Variants in INPP5A observed in about 807,000 individuals in gnomAD.
INPP5A encodes 43 kDa inositol polyphosphate 5-phophatase.
A neutral mutation model predicts 65.2 loss-of-function variants in INPP5A; 14 were observed. The ratio of observed to expected loss-of-function variants is 0.21; its 90% confidence interval spans 0.14 to 0.34. The LOEUF (loss-of-function observed/expected upper bound fraction) is 0.34, where lower values mean the gene tolerates loss of function less well. Among genes scored for constraint, INPP5A ranks in the 10% least tolerant of loss-of-function variants. The probability of loss-of-function intolerance (pLI) is 1.00; values close to 1 mark genes in which losing one functional copy is unlikely to be tolerated. For missense variants in INPP5A, 431 were observed against 545.6 expected (o/e 0.79, Z 2.09); for synonymous variants, 207 against 208.3 (o/e 0.99, Z 0.05).
chr10:132,749,391 T>G, intron 9 of INPP5A, 126 bp from the exon 10 acceptor site: 1 of 818,028 alleles, frequency 1.2e-6, no homozygotes, highest in Non-Finnish European at 1.9e-6. Flanking sequence ...GGTGCGGAAA[T>G]CTGGGTGTGA....
chr10:132,717,417 C>T (rs1845760065), intron 8 of INPP5A, among the ~76,000 whole-genome samples: 1 of 151,476 alleles, frequency 6.6e-6, no homozygotes, highest in Non-Finnish European at 1.5e-5. Flanking sequence ...ACCCAGTGAG[C>T]AGCCTGGCTG....
In INPP5A at chr10:132,538,289, A is replaced by AGGCCCCAGC; in HGVS notation, c.75+118_75+119insGGCCCCAGC. ...GAACCTCCAGACCCAGAGGCCCCAG[A>AGGCCCCAGC]CTCTGATCCCTGTACCCGGGACCCC... On this transcript the variant is annotated intron_variant, in intron 1 of 15. Coordinates refer to ENST00000368594, the MANE Select transcript of INPP5A (RefSeq NM_005539.5). This position sits in a 1 kb window ranked among gnomAD's most constrained non-coding sequence, Gnocchi z 4.1. The AGGCCCCAGC allele has an allele frequency of 2.3e-6, 1 of 438,832 alleles. No homozygotes were observed. The allele number at this position is 438,832 out of a possible 1,614,324, so 27.2% of individuals were successfully genotyped here.
chr10:132,756,848 G>A (rs927677114), intron 11 of INPP5A, among the ~76,000 whole-genome samples: 5 of 152,258 alleles, frequency 3.3e-5, no homozygotes, highest in African/African-American at 4.8e-5. Flanking sequence ...GGGCCTTTCC[G>A]TGGGACGCAG....
At chr10:132,539,316 G>C (rs1464848209) in intron 1 of INPP5A, among the ~76,000 whole-genome samples, 1 of 152,138 alleles carries the variant, frequency 6.6e-6, no homozygotes, top group African/African-American at 2.4e-5. Context: ...TATCTCTTTA[G>C]TTCGTAAATA....
At chr10:132,739,731 A>G (rs1846240487) in intron 9 of INPP5A, among the ~76,000 whole-genome samples, 1 of 152,108 alleles carries the variant, frequency 6.6e-6, no homozygotes, top group Non-Finnish European at 1.5e-5. Flanking sequence ...AGTTAATTTG[A>G]GATGACGTGT....
intron 1 of INPP5A, among the ~76,000 whole-genome samples, chr10:132,579,901 GC>G: frequency 6.6e-6 from 1 of 150,530 alleles, no homozygotes; most frequent in Admixed American, 6.6e-5. Flanking sequence ...CAGCCACCAT[GC>G]CTTGCCTGTT....
chr10:132,691,001 C>T (rs759030762), intron 5 of INPP5A, among the ~76,000 whole-genome samples: 1 of 152,188 alleles, frequency 6.6e-6, no homozygotes, highest in South Asian at 2.1e-4. Context: ...GATGACTTCC[C>T]GTCTGACGCT....
intron 9 of INPP5A, among the ~76,000 whole-genome samples, chr10:132,735,522 T>G (rs1475893848): frequency 1.3e-5 from 2 of 152,192 alleles, no homozygotes; most frequent in Non-Finnish European, 2.9e-5. Flanking sequence ...TAATGGTCTT[T>G]CAGAAACCAC....
intron 4 of INPP5A, among the ~76,000 whole-genome samples, chr10:132,680,703 G>A (rs1032634231): frequency 1.3e-5 from 2 of 152,254 alleles, no homozygotes; most frequent in African/African-American, 2.4e-5. Context: ...TGGCGCTTGC[G>A]GGCCAGCTGG....
chr10:132,700,212 GA>G (rs1845414885), intron 6 of INPP5A, among the ~76,000 whole-genome samples: 1 of 152,250 alleles, frequency 6.6e-6, no homozygotes, highest in Non-Finnish European at 1.5e-5. Context: ...TTCCTGGGAG[GA>G]AAAGGCACCG....
chr10:132,750,625 A>G (rs1461125863), intron 11 of INPP5A, among the ~76,000 whole-genome samples: 1 of 152,272 alleles, frequency 6.6e-6, no homozygotes, highest in Non-Finnish European at 1.5e-5. Context: ...GCAAAGAACC[A>G]GGAATCACGC....
chr10:132,714,424 C>T (rs116399669), intron 8 of INPP5A, among the ~76,000 whole-genome samples: 5,230 of 152,310 alleles, frequency 0.034, 288 homozygotes, highest in African/African-American at 0.12. Flanking sequence ...CGCGCGGCCT[C>T]TGAATGGACG....
chr10:132,649,289 A>G (rs1267715310), intron 3 of INPP5A, among the ~76,000 whole-genome samples: 2 of 152,150 alleles, frequency 1.3e-5, no homozygotes, highest in Non-Finnish European at 2.9e-5. Context: ...GTCTGGTCAC[A>G]GTTGCAATGA....
At position 132,753,639 on chromosome 10, in the gene INPP5A, T is replaced by A. The variant is rs1364685080; in HGVS notation, c.903+3794T>A. On this transcript the variant is annotated intron_variant, in intron 11 of 15. Transcript: ENST00000368594. This position sits in a 1 kb window ranked among gnomAD's most constrained non-coding sequence, Gnocchi z 5.3. The stretch of plus-strand genomic sequence containing the variant: ...TGGTGAGGATTTGGAGAGATTAAAT[T>A]TTCCTCGGCTGTCCCAGGGCCGGGC... The A allele has an allele frequency of 1.3e-5, 2 of 152,166 alleles. No homozygotes were observed. The highest frequency in any genetic ancestry group is 4.8e-5 in the African/African-American group (2 of 41,428). The allele number at this position is 152,166 out of a possible 1,614,324, so 9.4% of individuals were successfully genotyped here. A position where few individuals can be genotyped will look rare whatever the true frequency, so the allele number is the denominator to read the frequency against.
chr10:132,710,430 C>A lies in INPP5A; in HGVS notation c.621C>A (p.His207Gln). Residue 207 changes from histidine to glutamine, a missense_variant, in exon 8 of 16, where the codon CAC (histidine) becomes CAA (glutamine). Coordinates refer to ENST00000368594, the MANE Select transcript of INPP5A (RefSeq NM_005539.5). ...CTTCCGTGTACTCGGGAATCCGGCA[C>A]AAGGCACTGGGCTACGTGCTGGACA... The part of the protein sequence containing the change: ...TSPSVYSGIR[H>Q]KALGYVLDRI... The A allele has an allele frequency of 6.2e-7, 1 of 1,613,944 alleles. No homozygotes were observed. The highest frequency in any genetic ancestry group is 8.5e-7 in the Non-Finnish European group (1 of 1,180,010).
intron 3 of INPP5A, 82 bp downstream of exon 3, chr10:132,646,050 A>G: frequency 1.1e-6 from 1 of 871,300 alleles, no homozygotes; most frequent in South Asian, 1.4e-5. Flanking sequence ...TGGTACTATG[A>G]TCACCAGCCT....
rs1249212758 is a variant in INPP5A at position 132,547,243 on chromosome 10, T to C, written c.75+9072T>C. ...TCCCACCTTGCATGGTGGCTCAGGG[T>C]GGTCAGGGAGGGCGTGGCTGTCACA... On this transcript the variant is annotated intron_variant, in intron 1 of 15. Coordinates refer to ENST00000368594, the MANE Select transcript of INPP5A (RefSeq NM_005539.5). The surrounding 1 kb of genome is among the most constrained non-coding windows in gnomAD (Gnocchi z 5.5). Among the ~76,000 whole-genome samples the C allele has an allele frequency of 6.6e-6, 1 of 152,190 alleles. No individual in the cohort carries two copies. Among genetic ancestry groups the C allele is most frequent in the African/African-American group, 2.4e-5 (1 of 41,442 alleles).
intron 1 of INPP5A, among the ~76,000 whole-genome samples, chr10:132,558,617 C>A (rs1198664848): frequency 1.3e-5 from 2 of 152,210 alleles, no homozygotes; most frequent in Non-Finnish European, 2.9e-5. Context: ...ATGAGGAGCG[C>A]TGTTGGAGGA....
At chr10:132,558,239 A>T (rs2071152678) in intron 1 of INPP5A, among the ~76,000 whole-genome samples, 1 of 152,248 alleles carries the variant, frequency 6.6e-6, no homozygotes, top group South Asian at 2.1e-4. Flanking sequence ...GGCCACGCAG[A>T]GCCGCGACTT....
Sources: gnomAD v4.1 joint callset for allele counts (sites outside exome capture counted in the v4.1 genomes callset) on GRCh38, gnomAD v4.1.1 for gene constraint, Gnocchi (gnomAD v3.1) non-coding constraint, MANE v1.5 for transcripts, NCBI Gene and HGNC (gene_info 2026-07-23, HGNC 2026-07-21) for gene names.